The following GLRB variants were observed in gnomAD, a reference collection of about 807,000 sequenced individuals.
GLRB encodes the protein glycine receptor subunit beta.
In GLRB, 33 loss-of-function variants were observed where a neutral mutation model predicts 54.2. The observed-to-expected ratio is 0.61, with a 90% CI of 0.46 to 0.81. The LOEUF is 0.81. GLRB is among the 40% of genes least tolerant of loss of function. GLRB has a pLI of 0.00. For missense variants in GLRB, 572 were observed against 584.6 expected (o/e 0.98, Z 0.22); for synonymous variants, 209 against 208.2 (o/e 1.00, Z -0.03).
chr4:157,112,510 G>T (rs1459970389), intron 2 of GLRB, among the ~76,000 whole-genome samples: 1 of 151,958 alleles, frequency 6.6e-6, no homozygotes, highest in African/African-American at 2.4e-5. Flanking sequence ...GTATTTAGTT[G>T]ATGTTGTAGG....
chr4:157,077,406 G>A (rs1002595890), intron 1 of GLRB, among the ~76,000 whole-genome samples: 1 of 152,022 alleles, frequency 6.6e-6, no homozygotes, highest in Non-Finnish European at 1.5e-5. Context: ...GCTTGCCAAT[G>A]TAATGTGTTT....
At chr4:157,113,446 A>G (rs1735493174) in intron 2 of GLRB, among the ~76,000 whole-genome samples, 1 of 151,928 alleles carries the variant, frequency 6.6e-6, no homozygotes, top group Non-Finnish European at 1.5e-5. Flanking sequence ...TGAGCAATAT[A>G]CGGTATAAAT....
chr4:157,168,990 A>AAT (rs1404577905), intron 9 of GLRB, among the ~76,000 whole-genome samples: 3 of 151,988 alleles, frequency 2.0e-5, no homozygotes, highest in African/African-American at 4.8e-5. Flanking sequence ...TTGTCTAGGA[A>AAT]ATATATATAT....
chr4:157,153,565 C>T (rs1379798123), intron 9 of GLRB, among the ~76,000 whole-genome samples: 1 of 152,136 alleles, frequency 6.6e-6, no homozygotes, highest in East Asian at 1.9e-4. Flanking sequence ...TCTGTCCCTC[C>T]CAGCAGTGAG....
At chr4:157,112,188 T>G (rs912192619) in intron 2 of GLRB, among the ~76,000 whole-genome samples, 11 of 151,904 alleles carry the variant, frequency 7.2e-5, no homozygotes, top group Non-Finnish European at 1.6e-4. Context: ...CCAAAACTAA[T>G]TAAATCTAGA....
intron 2 of GLRB, among the ~76,000 whole-genome samples, chr4:157,093,902 C>T (rs1361312538): frequency 6.6e-6 from 1 of 151,680 alleles, no homozygotes; most frequent in African/African-American, 2.4e-5. Flanking sequence ...TTTACTTTCT[C>T]ATATAGAATA....
chr4:157,167,581 T>G (rs1737757878), intron 9 of GLRB, among the ~76,000 whole-genome samples: 1 of 152,092 alleles, frequency 6.6e-6, no homozygotes, highest in Non-Finnish European at 1.5e-5. Context: ...GGGCAAAAAT[T>G]AGATGTATAT....
At chr4:157,110,572 A>G (rs1267957791) in intron 2 of GLRB, among the ~76,000 whole-genome samples, 1 of 152,056 alleles carries the variant, frequency 6.6e-6, no homozygotes, top group Non-Finnish European at 1.5e-5. Context: ...ATTTATAAAG[A>G]TATGACTGTT....
intron 9 of GLRB, among the ~76,000 whole-genome samples, chr4:157,166,248 G>A (rs1414158467): frequency 1.3e-5 from 2 of 151,926 alleles, no homozygotes; most frequent in Admixed American, 6.6e-5. Flanking sequence ...TTTGTAATAA[G>A]GAACAACTGA....
intron 9 of GLRB, among the ~76,000 whole-genome samples, chr4:157,156,192 T>C (rs1737220219): frequency 6.6e-6 from 1 of 152,232 alleles, no homozygotes; most frequent in Non-Finnish European, 1.5e-5. Flanking sequence ...CTTTGGGCAG[T>C]ATGGTCATTT....
chr4:157,106,752 TGGACTTGG>T (rs1011077529), intron 2 of GLRB, among the ~76,000 whole-genome samples: 36 of 152,090 alleles, frequency 2.4e-4, no homozygotes, highest in Admixed American at 1.6e-3. Flanking sequence ...CTGAGACTTT[TGGACTTGG>T]ACTGAACCAT....
intron 2 of GLRB, among the ~76,000 whole-genome samples, chr4:157,089,030 C>A (rs1734512861): frequency 1.3e-5 from 2 of 152,158 alleles, no homozygotes; most frequent in South Asian, 4.1e-4. Flanking sequence ...ATTATTACAA[C>A]AAATGAAACA....
intron 2 of GLRB, 115 bp from the exon 3 acceptor site, chr4:157,120,441 C>G (rs917404355): frequency 7.4e-6 from 3 of 406,554 alleles, no homozygotes; most frequent in Non-Finnish European, 1.4e-5. Flanking sequence ...AAGAAAAAGC[C>G]ATACTATAGT....
chr4:157,157,457 ATTAGG>A (rs1737276905), intron 9 of GLRB, among the ~76,000 whole-genome samples: 1 of 152,148 alleles, frequency 6.6e-6, no homozygotes, highest in Admixed American at 6.5e-5. Context: ...CATCATTTAC[ATTAGG>A]TAGATCTCCT....
At chr4:157,121,858 A>G (rs1421465762) in intron 3 of GLRB, among the ~76,000 whole-genome samples, 1 of 151,678 alleles carries the variant, frequency 6.6e-6, no homozygotes, top group Non-Finnish European at 1.5e-5. Context: ...CATTTTCATG[A>G]ATTAAAAATT....
At chr4:157,159,826 A>G (rs1339831124) in intron 9 of GLRB, among the ~76,000 whole-genome samples, 2 of 152,140 alleles carry the variant, frequency 1.3e-5, no homozygotes, top group Admixed American at 6.5e-5. Flanking sequence ...AGGCTTTGGT[A>G]TCAGGATGAT....
Position 157,170,952 on chromosome 4 carries a change from G to T in GLRB, c.*224G>T, listed in dbSNP as rs1008935200. 2.5e-6 allele frequency: 1 copy of T among 399,434 alleles called. No individual in the cohort carries two copies. Among genetic ancestry groups the T allele is most frequent in the Admixed American group, 4.1e-5 (1 of 24,672 alleles). The allele number at this position is 399,434 out of a possible 1,614,324, so 24.7% of individuals were successfully genotyped here. A position where few individuals can be genotyped will look rare whatever the true frequency, so the allele number is the denominator to read the frequency against. On this transcript the variant is annotated 3_prime_UTR_variant, in exon 10 of 10. Transcript: ENST00000264428. Reference sequence around the variant, plus strand: ...ATATGTATAGTGAACATATTGCTTAGTAACAAATGAAGGACAAGCATACTA... The same window carrying T: ...ATATGTATAGTGAACATATTGCTTATTAACAAATGAAGGACAAGCATACTA...
intron 2 of GLRB, among the ~76,000 whole-genome samples, chr4:157,105,601 G>GA (rs1194452850): frequency 6.6e-6 from 1 of 151,984 alleles, no homozygotes; most frequent in East Asian, 1.9e-4. Flanking sequence ...GTCCATTACT[G>GA]AAAGTAGGGT....
At chr4:157,141,471 T>A (rs1272402150) in intron 7 of GLRB, among the ~76,000 whole-genome samples, 1 of 151,882 alleles carries the variant, frequency 6.6e-6, no homozygotes. Context: ...TGTATAGAAA[T>A]AATAATGCAG....
Sources: gnomAD v4.1 joint callset for allele counts (sites outside exome capture counted in the v4.1 genomes callset) on GRCh38, gnomAD v4.1.1 for gene constraint, MANE v1.5 for transcripts, NCBI Gene and HGNC (gene_info 2026-07-23, HGNC 2026-07-21) for gene names.